The following MYT1 variants were observed in gnomAD, a reference collection of about 807,000 sequenced individuals.
MYT1 encodes the protein myelin transcription factor I.
MYT1 carries 23 observed loss-of-function variants against 123.0 expected under a neutral mutation model. The ratio of observed to expected loss-of-function variants is 0.19; its 90% confidence interval spans 0.13 to 0.26. MYT1 has a LOEUF of 0.26. MYT1 is among the 10% of genes least tolerant of loss of function. MYT1 has a pLI of 1.00. For synonymous variants in MYT1, 518 were observed against 575.3 expected (o/e 0.90, Z 1.43); for missense variants, 1,125 against 1,472.5 (o/e 0.76, Z 3.86).
intron 21 of MYT1, among the ~76,000 whole-genome samples, chr20:64,238,768 C>A (rs1471932222): frequency 6.6e-6 from 1 of 152,010 alleles, no homozygotes; most frequent in African/African-American, 2.4e-5. Context: ...GGGGTAGCAC[C>A]TCTGATTTCT....
chr20:64,183,961 C>A (rs538881718), intron 1 of MYT1, among the ~76,000 whole-genome samples: 53 of 152,096 alleles, frequency 3.5e-4, no homozygotes, highest in Non-Finnish European at 7.1e-4. Flanking sequence ...GCTGGGATTA[C>A]AGACACGCAC....
chr20:64,208,291 C>T lies in MYT1; in HGVS notation c.1095C>T (p.Asp365=), dbSNP rs776387280. ...ACTCCCGGAAGTCAACAGTCACTGA[C>T]GAGTCGGAGATGCAGGACATGATGA... ...DTHSRKSTVT[D]ESEMQDMMTR... Residue 365 remains aspartate (D), a synonymous_variant, in exon 7 of 23, where the codon GAC becomes GAT. Coordinates refer to ENST00000328439, the MANE Select transcript of MYT1 (RefSeq NM_004535.3). The surrounding 1 kb of genome is among the most constrained non-coding windows in gnomAD (Gnocchi z 5.4). 38 of 1,614,182 alleles carry T rather than the reference C, an allele frequency of 2.4e-5. No homozygotes were observed. Among genetic ancestry groups the T allele is most frequent in the Middle Eastern group, 1.6e-4 (1 of 6,062 alleles).
chr20:64,224,794 A>G (rs1477644185), intron 16 of MYT1, among the ~76,000 whole-genome samples: 1 of 151,750 alleles, frequency 6.6e-6, no homozygotes, highest in Admixed American at 6.6e-5. Flanking sequence ...GGTTTTTCCC[A>G]TTTGGGCCTG....
In MYT1 at chr20:64,203,475, C is replaced by T. The variant is rs758372258; in HGVS notation, c.87-1560C>T. Among the ~76,000 whole-genome samples, 2 of 152,130 alleles carry T rather than the reference C, an allele frequency of 1.3e-5. No homozygotes were observed. The highest frequency in any genetic ancestry group is 2.4e-5 in the African/African-American group (1 of 41,442). ...TCAGTTTGGAAAGGGAGCCCCCAGT[C>T]GAGTGTGGTGTGCCCTCCCTCTCTC... On this transcript the variant is annotated intron_variant, in intron 4 of 22. Coordinates refer to ENST00000328439, the MANE Select transcript of MYT1 (RefSeq NM_004535.3). The surrounding 1 kb of genome is among the most constrained non-coding windows in gnomAD (Gnocchi z 5.1).
chr20:64,228,456 T>A (rs750859873), intron 18 of MYT1, among the ~76,000 whole-genome samples: 7 of 152,100 alleles, frequency 4.6e-5, no homozygotes, highest in African/African-American at 1.4e-4. Flanking sequence ...GCCAGGAGGA[T>A]CTAAACTGGG....
rs115479121 is a variant in MYT1 at position 64,202,125 on chromosome 20, A to C, written c.86+2203A>C. Among the ~76,000 whole-genome samples the C allele has an allele frequency of 8.8e-3, 1,341 of 152,282 alleles. 24 individuals carry two copies. Among genetic ancestry groups the C allele is most frequent in the African/African-American group, 0.031 (1,286 of 41,542 alleles). ...ACACTGCATTGGCTCAGAACTTCAC[A>C]GCCTGCAGTGCCCCTAACCCCAGCT... On this transcript the variant is annotated intron_variant, in intron 4 of 22. Transcript: ENST00000328439. This position sits in a 1 kb window ranked among gnomAD's most constrained non-coding sequence, Gnocchi z 5.0.
At chr20:64,225,638 C>A (rs1011961276) in intron 16 of MYT1, among the ~76,000 whole-genome samples, 1 of 152,128 alleles carries the variant, frequency 6.6e-6, no homozygotes, top group African/African-American at 2.4e-5. Context: ...CCCTCAGACA[C>A]GGTGTTCCCT....
Position 64,238,908 on chromosome 20 carries a change from G to A in MYT1, c.3094-852G>A, listed in dbSNP as rs534260520. On this transcript the variant is annotated intron_variant, in intron 21 of 22. Transcript: ENST00000328439. The stretch of plus-strand genomic sequence containing the variant: ...CTGGTGCCCTCTGCGGAAGGGCAAA[G>A]GCAAAGGGAAGGCAGGTCCCTATCC... Among the ~76,000 whole-genome samples, 194 of 152,324 alleles carry A rather than the reference G, an allele frequency of 1.3e-3. 2 individuals carry two copies. The highest frequency in any genetic ancestry group is 4.3e-3 in the African/African-American group (177 of 41,578).
intron 1 of MYT1, among the ~76,000 whole-genome samples, chr20:64,169,124 C>T (rs1982168227): frequency 6.6e-6 from 1 of 152,178 alleles, no homozygotes. Flanking sequence ...GGGGACCCTC[C>T]ATGTCTCCCT....
At chr20:64,197,126 G>A (rs550643394) in intron 2 of MYT1, among the ~76,000 whole-genome samples, 20 of 152,300 alleles carry the variant, frequency 1.3e-4, no homozygotes, top group Admixed American at 2.6e-4. Context: ...ATTGTCTTCC[G>A]TTCTATTGGA....
intron 1 of MYT1, among the ~76,000 whole-genome samples, chr20:64,177,914 C>T (rs532402682): frequency 6.6e-6 from 1 of 152,322 alleles, no homozygotes; most frequent in African/African-American, 2.4e-5. Context: ...AGGAACAAAG[C>T]CAGCCATCCC....
chr20:64,228,895 G>A (rs1056034440), intron 18 of MYT1, among the ~76,000 whole-genome samples: 61 of 152,228 alleles, frequency 4.0e-4, no homozygotes, highest in African/African-American at 1.4e-3. Flanking sequence ...TCGGGACGGG[G>A]CCCTACTATG....
chr20:64,225,825 A>T (rs1372232207), intron 16 of MYT1, among the ~76,000 whole-genome samples: 1 of 152,050 alleles, frequency 6.6e-6, no homozygotes, highest in Non-Finnish European at 1.5e-5. Context: ...AAAGCCATTG[A>T]ATCGGGCCTT....
intron 1 of MYT1, among the ~76,000 whole-genome samples, chr20:64,181,794 C>T (rs1260364375): frequency 6.6e-6 from 1 of 152,208 alleles, no homozygotes; most frequent in East Asian, 1.9e-4. Context: ...GGGGACCTCG[C>T]TTTGAACTTT....
At chr20:64,194,904 T>A (rs1008704777) in intron 2 of MYT1, among the ~76,000 whole-genome samples, 5 of 152,172 alleles carry the variant, frequency 3.3e-5, no homozygotes, top group Admixed American at 3.3e-4. Context: ...TTTCATTTTT[T>A]ATTTTTTTTG....
At chr20:64,211,121 A>G in intron 7 of MYT1, 85 bp from the exon 8 acceptor site, 2 of 1,463,202 alleles carry the variant, frequency 1.4e-6, no homozygotes, top group South Asian at 2.8e-5. Context: ...GGACAGCCAG[A>G]GAGAGGGTTC....
At chr20:64,182,957 G>A (rs146615190) in intron 1 of MYT1, among the ~76,000 whole-genome samples, 1 of 152,194 alleles carries the variant, frequency 6.6e-6, no homozygotes, top group Non-Finnish European at 1.5e-5. Flanking sequence ...GTACGTGTAG[G>A]GTTGTACATC....
intron 2 of MYT1, among the ~76,000 whole-genome samples, chr20:64,194,879 A>G (rs1464002532): frequency 1.3e-5 from 2 of 152,038 alleles, no homozygotes; most frequent in African/African-American, 4.8e-5. Context: ...GTTACTGGCT[A>G]TGTGTCTGGG....
At chr20:64,233,970 C>T (rs1025352245) in intron 19 of MYT1, among the ~76,000 whole-genome samples, 4 of 152,188 alleles carry the variant, frequency 2.6e-5, no homozygotes, top group Non-Finnish European at 5.9e-5. Context: ...TGAGTGAGGG[C>T]CCTGGCAGAA....
Sources: gnomAD v4.1 joint callset for allele counts (sites outside exome capture counted in the v4.1 genomes callset) on GRCh38, gnomAD v4.1.1 for gene constraint, Gnocchi (gnomAD v3.1) non-coding constraint, MANE v1.5 for transcripts, NCBI Gene and HGNC (gene_info 2026-07-23, HGNC 2026-07-21) for gene names.